Variants in SLC35D4 observed in about 807,000 individuals in gnomAD.
SLC35D4 encodes UDP-N-acetylglucosamine transporter SLC35D4.
At chr18:23,304,062 A>AG in the SLC35D4 span, among the ~76,000 whole-genome samples, 8 of 150,982 alleles carry the variant, frequency 5.3e-5, no homozygotes, top group Non-Finnish European at 1.2e-4. Context: ...AATTAAAAAA[A>AG]AAAAAAAATC....
chr18:23,283,353 T>C, the SLC35D4 span, among the ~76,000 whole-genome samples: 1 of 150,590 alleles, frequency 6.6e-6, no homozygotes, highest in Non-Finnish European at 1.5e-5. Context: ...TGGTGGTGCA[T>C]GTCCCAGCTA....
chr18:23,381,031 G>A, the SLC35D4 span, among the ~76,000 whole-genome samples: 1 of 152,208 alleles, frequency 6.6e-6, no homozygotes, highest in African/African-American at 2.4e-5. Flanking sequence ...TGTTCCTTAT[G>A]ATAAGGGATG....
At chr18:23,241,916 T>C in the SLC35D4 span, among the ~76,000 whole-genome samples, 1 of 152,150 alleles carries the variant, frequency 6.6e-6, no homozygotes. Context: ...TTTTAAACTT[T>C]GATCCATGCA....
chr18:23,412,227 G>A, the SLC35D4 span, among the ~76,000 whole-genome samples: 5 of 152,214 alleles, frequency 3.3e-5, no homozygotes, highest in Non-Finnish European at 7.3e-5. Flanking sequence ...GCTGAGGCAG[G>A]AGGATCCCTT....
the SLC35D4 span, among the ~76,000 whole-genome samples, chr18:23,290,358 G>A: frequency 6.6e-6 from 1 of 152,240 alleles, no homozygotes; most frequent in Non-Finnish European, 1.5e-5. Context: ...GGGGAAGGGG[G>A]TGGTGTCTGC....
At chr18:23,419,838 C>A in the SLC35D4 span, among the ~76,000 whole-genome samples, 1 of 151,686 alleles carries the variant, frequency 6.6e-6, no homozygotes, top group South Asian at 2.1e-4. Flanking sequence ...GGAAATACAC[C>A]CTAAAGAATT....
the SLC35D4 span, among the ~76,000 whole-genome samples, chr18:23,370,735 G>T: frequency 1.3e-5 from 2 of 152,030 alleles, no homozygotes; most frequent in African/African-American, 4.8e-5. Context: ...AAACTTTTTT[G>T]GTAAATTACT....
At chr18:23,420,290 C>T in the SLC35D4 span, among the ~76,000 whole-genome samples, 1 of 151,936 alleles carries the variant, frequency 6.6e-6, no homozygotes, top group Non-Finnish European at 1.5e-5. Flanking sequence ...GCAACAAGAG[C>T]GAAACTCCAT....
chr18:23,284,732 C>A, the SLC35D4 span, among the ~76,000 whole-genome samples: 2 of 152,132 alleles, frequency 1.3e-5, no homozygotes, highest in Non-Finnish European at 2.9e-5. Context: ...ATTAACCACA[C>A]TGGCAAATGT....
chr18:23,414,295 G>GAGGAAGGA, the SLC35D4 span, among the ~76,000 whole-genome samples: 28,214 of 123,784 alleles, frequency 0.23, 3,544 homozygotes, highest in East Asian at 0.27. Flanking sequence ...AAAAGGAAAG[G>GAGGAAGGA]AGGAAGGAAG....
At chr18:23,301,378 T>TG in the SLC35D4 span, among the ~76,000 whole-genome samples, 1 of 152,190 alleles carries the variant, frequency 6.6e-6, no homozygotes, top group Non-Finnish European at 1.5e-5. Flanking sequence ...TGGAGTGTGA[T>TG]GGGGGGACGT....
At chr18:23,245,894 C>T in the SLC35D4 span, among the ~76,000 whole-genome samples, 1 of 152,244 alleles carries the variant, frequency 6.6e-6, no homozygotes, top group Non-Finnish European at 1.5e-5. Context: ...CCCCATCCAT[C>T]ACACAGCCTG....
the SLC35D4 span, among the ~76,000 whole-genome samples, chr18:23,339,371 T>C: frequency 2.6e-5 from 4 of 152,236 alleles, no homozygotes; most frequent in South Asian, 4.1e-4. Context: ...AATTTTAAAA[T>C]CTGGCAAATG....
the SLC35D4 span, among the ~76,000 whole-genome samples, chr18:23,374,755 G>A: frequency 3.9e-5 from 6 of 152,018 alleles, no homozygotes; most frequent in Non-Finnish European, 7.4e-5. Context: ...AAAGTGCTGG[G>A]GTTACAGGCC....
chr18:23,403,757 G>A, the SLC35D4 span, among the ~76,000 whole-genome samples: 1 of 152,194 alleles, frequency 6.6e-6, no homozygotes, highest in Admixed American at 6.5e-5. Flanking sequence ...CCCAAGCAGA[G>A]ATATCAAGTA....
At chr18:23,423,465 T>C in the SLC35D4 span, among the ~76,000 whole-genome samples, 1 of 152,214 alleles carries the variant, frequency 6.6e-6, no homozygotes, top group Admixed American at 6.5e-5. Flanking sequence ...GGTATGCCAC[T>C]GGAATCTAGC....
chr18:23,360,872 C>T, the SLC35D4 span, among the ~76,000 whole-genome samples: 5 of 152,030 alleles, frequency 3.3e-5, no homozygotes, highest in African/African-American at 4.8e-5. Flanking sequence ...GAGGCCAAGG[C>T]GGGTGGATCA....
chr18:23,433,990 A>C, the SLC35D4 span, among the ~76,000 whole-genome samples: 1 of 152,204 alleles, frequency 6.6e-6, no homozygotes, highest in Non-Finnish European at 1.5e-5. Flanking sequence ...TGCTCATAGT[A>C]GAATGAATAT....
chr18:23,301,225 T>C, the SLC35D4 span, among the ~76,000 whole-genome samples: 1 of 152,192 alleles, frequency 6.6e-6, no homozygotes, highest in Non-Finnish European at 1.5e-5. Flanking sequence ...TCATAATCTA[T>C]TAAATTATGA....
Sources: gnomAD v4.1 joint callset for allele counts (sites outside exome capture counted in the v4.1 genomes callset) on GRCh38, gnomAD v4.1.1 for gene constraint, MANE v1.5 for transcripts, NCBI Gene and HGNC (gene_info 2026-07-23, HGNC 2026-07-21) for gene names.